TARBP1: variants seen among roughly 807,000 people sequenced by gnomAD.
TARBP1 encodes tRNA guanosine 2 -O-methyltransferase TARBP1, also known as tRNA (guanosine(18)-2'-O)-methyltransferase TARBP1.
A neutral mutation model predicts 178.6 loss-of-function variants in TARBP1; 144 were observed. The ratio of observed to expected loss-of-function variants is 0.81; its 90% CI spans 0.70 to 0.93. The LOEUF is 0.93. Ranked by LOEUF, TARBP1 falls within the 40% of genes least tolerant of loss-of-function variation. The pLI is 0.00. For missense variants in TARBP1, 2,067 were observed against 2,011.7 expected (o/e 1.03, Z -0.53); for synonymous variants, 787 against 781.0 (o/e 1.01, Z -0.13).
At chr1:234,425,145 A>T (rs990073427) in intron 20 of TARBP1, among the ~76,000 whole-genome samples, 1 of 152,048 alleles carries the variant, frequency 6.6e-6, no homozygotes, top group Non-Finnish European at 1.5e-5. Flanking sequence ...GAATCACTTA[A>T]ACCTGGGAGG....
chr1:234,448,684 T>C (rs191386516), intron 10 of TARBP1, 105 bp from the exon 11 acceptor site: 6 of 829,212 alleles, frequency 7.2e-6, no homozygotes, highest in Non-Finnish European at 7.8e-6. Flanking sequence ...TATTAAATTA[T>C]GAGAGAAATA....
intron 26 of TARBP1, 136 bp from the exon 27 acceptor site, chr1:234,393,973 A>G: frequency 1.3e-6 from 1 of 745,660 alleles, no homozygotes. Flanking sequence ...TTAACAAAGC[A>G]TTAAGTAAAA....
chr1:234,392,459 G>C lies in TARBP1; in HGVS notation c.4654C>G (p.Leu1552Val), dbSNP rs536448541. ...TTCTCAGGAAAGCAATATTGGGTTA[G>C]GTCTAAACTTTTGGCAGTTTGTTCC... Reference protein sequence around the residue: ...GVEQTAKSLDLTQYCFPEKSL... With the variant: ...GVEQTAKSLDVTQYCFPEKSL... Residue 1552 changes from leucine to valine, a missense_variant, in exon 29 of 30, where the codon CTA becomes GTA. Physicochemically the swap from Leu to Val is conservative, Grantham distance 32 (BLOSUM62 1). Transcript: ENST00000040877. 6.2e-7 allele frequency: 1 copy of C among 1,614,150 alleles called. No individual in the cohort carries two copies. Among genetic ancestry groups the C allele is most frequent in the Non-Finnish European group, 8.5e-7 (1 of 1,180,020 alleles).
chr1:234,396,547 G>GT (rs1022642157), intron 26 of TARBP1, among the ~76,000 whole-genome samples: 1 of 152,102 alleles, frequency 6.6e-6, no homozygotes, highest in Non-Finnish European at 1.5e-5. Context: ...TGTCTCCTCT[G>GT]TAAGAATGTG....
intron 2 of TARBP1, 138 bp downstream of exon 2, chr1:234,472,576 C>A: frequency 1.8e-6 from 1 of 571,020 alleles, no homozygotes; most frequent in South Asian, 2.7e-5. Flanking sequence ...GCATTTATGC[C>A]AGACAACAAA....
At chr1:234,448,698 C>T (rs1444145830) in intron 10 of TARBP1, 119 bp from the exon 11 acceptor site, 9 of 747,662 alleles carry the variant, frequency 1.2e-5, no homozygotes, top group Non-Finnish European at 1.8e-5. Flanking sequence ...AGAAATACAA[C>T]CGAGATGAAC....
At chr1:234,474,244 A>C (rs752661417) in intron 1 of TARBP1, among the ~76,000 whole-genome samples, 2 of 108,390 alleles carry the variant, frequency 1.8e-5, no homozygotes, top group Non-Finnish European at 3.6e-5. Flanking sequence ...TTTGTCTCTA[A>C]AACACACACA....
intron 6 of TARBP1, among the ~76,000 whole-genome samples, chr1:234,460,725 T>C (rs1475200986): frequency 1.3e-5 from 2 of 152,220 alleles, no homozygotes; most frequent in Admixed American, 6.5e-5. Flanking sequence ...GATGTGTTCA[T>C]ACAGAAACTT....
intron 20 of TARBP1, 30 bp downstream of exon 20, chr1:234,425,637 TAAAAAC>T: frequency 6.3e-7 from 1 of 1,596,386 alleles, no homozygotes; most frequent in Non-Finnish European, 8.6e-7. Context: ...CTCTGACTGT[TAAAAAC>T]AAAGATAATT....
intron 9 of TARBP1, among the ~76,000 whole-genome samples, chr1:234,450,965 C>A (rs1364269038): frequency 7.9e-5 from 12 of 152,186 alleles, no homozygotes; most frequent in Non-Finnish European, 1.8e-4. Flanking sequence ...AAACAACTTA[C>A]AACCTTCAAC....
intron 17 of TARBP1, 120 bp from the exon 18 acceptor site, chr1:234,427,886 T>TA: frequency 1.8e-6 from 1 of 552,952 alleles, no homozygotes; most frequent in Non-Finnish European, 2.8e-6. Context: ...TTAAATTCAT[T>TA]ACTGTTAGAA....
intron 1 of TARBP1, among the ~76,000 whole-genome samples, chr1:234,477,328 ACTCT>A (rs1482534796): frequency 1.3e-5 from 2 of 152,240 alleles, no homozygotes; most frequent in Non-Finnish European, 2.9e-5. Context: ...TCAAATATTT[ACTCT>A]CTAATGTTTT....
Position 234,478,997 on chromosome 1 carries a change from A to C in TARBP1, c.107T>G (p.Leu36Arg). 2.7e-6 allele frequency: 4 copies of C among 1,502,334 alleles called. No individual in the cohort carries two copies. The South Asian group carries it at 4.9e-5, about 19-fold the overall frequency. The allele number at this position is 1,502,334 out of a possible 1,614,324, so 93.1% of individuals were successfully genotyped here. A position where few individuals can be genotyped will look rare whatever the true frequency, so the allele number is the denominator to read the frequency against. ...GEASAERVET[L>R]RFLLQRLEDE... ...CTCGAGCCGCTGCAGAAGGAAGCGC[A>C]GCGTCTCCACGCGCTCCGCGGATGC... Residue 36 changes from leucine to arginine, a missense_variant, in exon 1 of 30, where the codon CTG becomes CGG. Transcript: ENST00000040877.
At chr1:234,464,639 T>C (rs1195463070) in intron 5 of TARBP1, among the ~76,000 whole-genome samples, 1 of 152,234 alleles carries the variant, frequency 6.6e-6, no homozygotes, top group East Asian at 1.9e-4. Context: ...TGCTATGCTC[T>C]TTCAATATTA....
Position 234,478,850 on chromosome 1 carries a change from T to TCCGGGCCG in TARBP1, c.246_253dup (p.Asp85AlafsTer16). 8.0e-7 allele frequency: 1 copy of TCCGGGCCG among 1,257,166 alleles called. No individual in the cohort carries two copies. The highest frequency in any genetic ancestry group is 1.0e-6 in the Non-Finnish European group (1 of 1,004,804). 77.9% of individuals were successfully genotyped at this position (1,257,166 alleles called of 1,614,324 possible). On this transcript the variant is annotated frameshift_variant, in exon 1 of 30. Transcript: ENST00000040877. LOFTEE classifies it high-confidence loss of function. Reference sequence around the variant, plus strand: ...GCGGTGGCGAGGCTGCAGACTGGGGTCCGGGCCGCCCGCGGGGCGTCCGCG... The same window carrying TCCGGGCCG: ...GCGGTGGCGAGGCTGCAGACTGGGGTCCGGGCCGCCGGGCCGCCCGCGGGGCGTCCGCG...
At chr1:234,422,728 C>A (rs552350128) in intron 20 of TARBP1, among the ~76,000 whole-genome samples, 80 of 152,140 alleles carry the variant, frequency 5.3e-4, no homozygotes, top group African/African-American at 1.9e-3. Flanking sequence ...TTTAAAATAA[C>A]TAACAGTATA....
chr1:234,393,898 G>A, intron 26 of TARBP1, 61 bp from the exon 27 acceptor site: 2 of 1,142,360 alleles, frequency 1.8e-6, no homozygotes, highest in Non-Finnish European at 2.5e-6. Context: ...ATATATTTAT[G>A]TATACATGTA....
chr1:234,455,099 C>G (rs1301546202), intron 9 of TARBP1, among the ~76,000 whole-genome samples: 1 of 152,030 alleles, frequency 6.6e-6, no homozygotes, highest in African/African-American at 2.4e-5. Flanking sequence ...TGGACTCGCC[C>G]CTACAAGGAA....
chr1:234,423,741 T>C (rs74147468), intron 20 of TARBP1, among the ~76,000 whole-genome samples: 2,313 of 149,710 alleles, frequency 0.015, 59 homozygotes, highest in African/African-American at 0.053. Flanking sequence ...CTCTCTCTTT[T>C]TTCTGAATTT....
Sources: gnomAD v4.1 joint callset for allele counts (sites outside exome capture counted in the v4.1 genomes callset) on GRCh38, gnomAD v4.1.1 for gene constraint, MANE v1.5 for transcripts, NCBI Gene and HGNC (gene_info 2026-07-23, HGNC 2026-07-21) for gene names.